Variants in TRIM68 observed in about 807,000 individuals in gnomAD.
TRIM68 encodes tripartite motif containing 68.
In TRIM68, 36 loss-of-function variants were observed where a neutral mutation model predicts 41.9. The observed-to-expected ratio is 0.86, with a 90% CI of 0.66 to 1.14. The LOEUF is 1.14. TRIM68 is among the 50% of genes most tolerant of loss of function. The pLI, the probability that TRIM68 is intolerant of heterozygous loss-of-function variation, is 0.00. For synonymous variants in TRIM68, 225 were observed against 224.6 expected (o/e 1.00, Z -0.02); for missense variants, 632 against 605.1 (o/e 1.04, Z -0.47).
At position 4,601,003 on chromosome 11, in the gene TRIM68, A is replaced by G. The variant is rs772010214; in HGVS notation, c.907+24T>C. ...GGAGGGGTCCCTCCCACTGTCCACT[A>G]CAGTCTCCCCCAGGATCCATTACCT... On this transcript the variant is annotated intron_variant, in intron 6 of 6. Transcript: ENST00000300747. 10 of 1,609,648 alleles carry G rather than the reference A, an allele frequency of 6.2e-6. No homozygotes were observed. In the East Asian group the frequency reaches 2.2e-4, roughly 36 times the overall value.
intron 4 of TRIM68, 111 bp from the exon 5 acceptor site, chr11:4,601,797 T>C: frequency 7.9e-7 from 1 of 1,265,184 alleles, no homozygotes; most frequent in South Asian, 1.2e-5. Context: ...ATACCAAGAA[T>C]GGAGAGATGC....
intron 1 of TRIM68, among the ~76,000 whole-genome samples, chr11:4,606,279 T>C (rs1589850444): frequency 6.6e-6 from 1 of 152,254 alleles, no homozygotes; most frequent in Admixed American, 6.5e-5. Flanking sequence ...CACACCCATA[T>C]TGATGAAATC....
chr11:4,605,433 C>T lies in TRIM68; in HGVS notation c.72G>A (p.Arg24=), dbSNP rs753382224. The T allele has an allele frequency of 1.2e-6, 2 of 1,614,060 alleles. No individual in the cohort carries two copies. Among genetic ancestry groups the T allele is most frequent in the Admixed American group, 1.7e-5 (1 of 60,010 alleles). The change falls in exon 2 of 7, where the codon AGG becomes AGA. Residue 24 remains arginine (R), a synonymous_variant. Transcript: ENST00000300747. ...GGCCACAGTCAATGCTCATGGGCTCCCTCAGGAAGGTCATACAGATGGGAC... is the reference window on the plus strand; with the variant it reads ...GGCCACAGTCAATGCTCATGGGCTCTCTCAGGAAGGTCATACAGATGGGAC... ...VACPICMTFL[R]EPMSIDCGHS... is the part of the protein sequence containing the mutation.
At chr11:4,604,162 A>C (rs1036789870) in intron 2 of TRIM68, among the ~76,000 whole-genome samples, 1 of 152,232 alleles carries the variant, frequency 6.6e-6, no homozygotes, top group African/African-American at 2.4e-5. Flanking sequence ...AAACAGAATG[A>C]GTTAGTAAAT....
chr11:4,603,558 A>G (rs1239578363), intron 2 of TRIM68, among the ~76,000 whole-genome samples: 7 of 152,364 alleles, frequency 4.6e-5, no homozygotes, highest in Admixed American at 1.3e-4. Flanking sequence ...AAATGTCTGT[A>G]AACTGGAAGA....
intron 2 of TRIM68, among the ~76,000 whole-genome samples, chr11:4,604,047 G>C (rs1288633710): frequency 1.3e-5 from 2 of 152,234 alleles, no homozygotes; most frequent in Non-Finnish European, 2.9e-5. Flanking sequence ...CTGAGGCTTA[G>C]AGGGTGACCT....
chr11:4,601,039 T>G lies in TRIM68; in HGVS notation c.895A>C (p.Lys299Gln). ...CAGGATCCATTACCTGCATAAGTCT[T>G]CAGGATCTCTCTTAGCCCCAGCACA... is the stretch of plus-strand genomic sequence containing the variant. The part of the protein sequence containing the change: ...CRVLGLREIL[K>Q]TYAADVRLDP... The change falls in exon 6 of 7, where the codon AAG becomes CAG. Residue 299 changes from lysine (K) to glutamine (Q), a missense_variant. Coordinates refer to ENST00000300747, the MANE Select transcript of TRIM68 (RefSeq NM_018073.8). The G allele has an allele frequency of 1.2e-6, 2 of 1,614,076 alleles. No homozygotes were observed. The highest frequency in any genetic ancestry group is 4.5e-5 in the East Asian group (2 of 44,880).
rs117924997 is a variant in TRIM68 at position 4,607,772 on chromosome 11, G to A, written c.-58+255C>T. Among the ~76,000 whole-genome samples the A allele has an allele frequency of 4.6e-3, 698 of 152,328 alleles. 2 individuals are homozygous for A. Among genetic ancestry groups the A allele is most frequent in the Non-Finnish European group, 7.4e-3 (505 of 68,036 alleles). Reference sequence around the variant, plus strand: ...GAAAATTCAAATAATTAAACGTTCGGTTGCTTTGACTGTGCCTTCCGTAGG... The same window carrying A: ...GAAAATTCAAATAATTAAACGTTCGATTGCTTTGACTGTGCCTTCCGTAGG... On this transcript the variant is annotated intron_variant, in intron 1 of 6. Transcript: ENST00000300747.
intron 5 of TRIM68, chr11:4,601,430 T>C: frequency 1.7e-6 from 1 of 596,750 alleles, no homozygotes; most frequent in Non-Finnish European, 3.0e-6. Flanking sequence ...AGCAATCTAC[T>C]TGAAACCACA....
In TRIM68 at chr11:4,605,351, T is replaced by TCTGGGATTCTC. The variant is rs1846553924; in HGVS notation, c.143_153dup (p.Asn52GlufsTer32). 1 of 1,614,102 alleles carries TCTGGGATTCTC rather than the reference T, an allele frequency of 6.2e-7. No homozygotes were observed. The highest frequency in any genetic ancestry group is 1.3e-5 in the African/African-American group (1 of 74,928). ...CAGAGGGGACAGGTGTAACCCCAGT[T>TCTGGGATTCTC]CTGGGATTCTCCTGGGATCTCCCAG... is the stretch of plus-strand genomic sequence containing the variant. On this transcript the variant is annotated frameshift_variant, in exon 2 of 7. Coordinates refer to ENST00000300747, the MANE Select transcript of TRIM68 (RefSeq NM_018073.8). LOFTEE classifies it high-confidence loss of function.
chr11:4,601,512 C>G lies in TRIM68; in HGVS notation c.806+152G>C, dbSNP rs1362365926. The G allele has an allele frequency of 6.9e-6, 5 of 727,692 alleles. No homozygotes were observed. The East Asian group carries it at 7.5e-5, about 11-fold the overall frequency. 45.1% of individuals were successfully genotyped at this position (727,692 alleles called of 1,614,324 possible). On this transcript the variant is annotated intron_variant, in intron 5 of 6. Transcript: ENST00000300747. ...AAAAAGGAAAGATCAACAAAGATTCCTTAGCCATTACCATGTAAGTGGGAC... is the reference window on the plus strand; with the variant it reads ...AAAAAGGAAAGATCAACAAAGATTCGTTAGCCATTACCATGTAAGTGGGAC...
chr11:4,601,190 AG>A (rs1846484866), intron 5 of TRIM68, 63 bp from the exon 6 acceptor site: 23 of 1,266,872 alleles, frequency 1.8e-5, no homozygotes, highest in Non-Finnish European at 2.4e-5. Flanking sequence ...GCCTTATCTT[AG>A]TACAGGGAAG....
intron 5 of TRIM68, 96 bp downstream of exon 5, chr11:4,601,568 G>T: frequency 7.5e-7 from 1 of 1,334,050 alleles, no homozygotes; most frequent in Non-Finnish European, 1.1e-6. Flanking sequence ...GCTTTTCTGT[G>T]TGCACCGAGT....
rs749584394 is a variant in TRIM68 at position 4,600,469 on chromosome 11, C to T, written c.1265G>A (p.Arg422Gln). The T allele has an allele frequency of 7.4e-6, 12 of 1,613,276 alleles. No individual in the cohort carries two copies. The highest frequency in any genetic ancestry group is 1.3e-5 in the African/African-American group (1 of 74,998). ...CTCATAATCCACGAAGATTCCCACC[C>T]GGCGAGGAGGGACCGGCAAGGACAG... Reference protein sequence around the residue: ...PILSLPVPPRRVGIFVDYEAH... With the variant: ...PILSLPVPPRQVGIFVDYEAH... Residue 422 changes from arginine to glutamine, a missense_variant, in exon 7 of 7, where the codon CGG (arginine) becomes CAG (glutamine). Transcript: ENST00000300747.
intron 1 of TRIM68, 137 bp from the exon 2 acceptor site, chr11:4,605,698 G>T: frequency 1.6e-6 from 1 of 617,466 alleles, no homozygotes; most frequent in South Asian, 2.1e-5. Context: ...ATAAGCATTG[G>T]CCTTTCCAAC....
chr11:4,604,943 G>T (rs1053678740), intron 2 of TRIM68, 136 bp downstream of exon 2: 1 of 906,964 alleles, frequency 1.1e-6, no homozygotes, highest in Non-Finnish European at 1.6e-6. Flanking sequence ...CTCTGTATCA[G>T]ATTCCAGGGA....
At chr11:4,605,685 T>C in intron 1 of TRIM68, 124 bp from the exon 2 acceptor site, 1 of 641,346 alleles carries the variant, frequency 1.6e-6, no homozygotes. Flanking sequence ...CTGACCTTCT[T>C]TAATAAGCAT....
intron 4 of TRIM68, 154 bp downstream of exon 4, chr11:4,601,998 G>T: frequency 8.7e-7 from 1 of 1,144,674 alleles, no homozygotes; most frequent in Non-Finnish European, 1.2e-6. Context: ...GCCAGGGATA[G>T]GGAAACAGCA....
At chr11:4,604,851 G>A (rs1846544064) in intron 2 of TRIM68, among the ~76,000 whole-genome samples, 1 of 152,186 alleles carries the variant, frequency 6.6e-6, no homozygotes, top group South Asian at 2.1e-4. Flanking sequence ...GTTAGGAATT[G>A]AGCCCTGTTA....
Sources: gnomAD v4.1 joint callset for allele counts (sites outside exome capture counted in the v4.1 genomes callset) on GRCh38, gnomAD v4.1.1 for gene constraint, MANE v1.5 for transcripts, NCBI Gene and HGNC (gene_info 2026-07-23, HGNC 2026-07-21) for gene names.